Variants in LRRK1 observed in about 807,000 individuals in gnomAD.
The protein encoded by LRRK1 is leucine rich repeat kinase 1.
In LRRK1, 113 loss-of-function variants were observed where a neutral mutation model predicts 209.1. The ratio of observed to expected loss-of-function variants is 0.54; its 90% CI spans 0.46 to 0.63. The LOEUF is 0.63. LRRK1 is among the 30% of genes least tolerant of loss of function. LRRK1 has a pLI of 0.00. For synonymous variants in LRRK1, 1,144 were observed against 1,099.7 expected (o/e 1.04, Z -0.80); for missense variants, 2,284 against 2,632.2 (o/e 0.87, Z 2.89).
chr15:101,068,603 G>A (rs975744628), intron 33 of LRRK1, 68 bp from the exon 34 acceptor site: 1 of 1,476,816 alleles, frequency 6.8e-7, no homozygotes, highest in Non-Finnish European at 9.1e-7. Flanking sequence ...GAAGGCACAG[G>A]GGGAGGGTCC....
intron 2 of LRRK1, 31 bp downstream of exon 2, chr15:100,924,760 G>C (rs1320025334): frequency 6.5e-6 from 10 of 1,547,522 alleles, no homozygotes; most frequent in Non-Finnish European, 8.9e-6. Context: ...ATGCCTGCCT[G>C]GGTGTGACCT....
rs377665198 is a variant in LRRK1, at chr15:101,016,180, C to T, written c.1609+778C>T. 1.5e-4 allele frequency among the ~76,000 whole-genome samples: 23 copies of T among 152,116 alleles called. 2 individuals are homozygous for T. Among genetic ancestry groups the T allele is most frequent in the East Asian group, 5.8e-4 (3 of 5,172 alleles). On this transcript the variant is annotated intron_variant, in intron 12 of 33. Coordinates refer to ENST00000388948, the MANE Select transcript of LRRK1 (RefSeq NM_024652.6). ...AATTTTTGTATTTTTGGAGATGAGCCACTGTGCCCGGCCCCTCTTCCTATA... is the reference window on the plus strand; with the variant it reads ...AATTTTTGTATTTTTGGAGATGAGCTACTGTGCCCGGCCCCTCTTCCTATA...
At chr15:100,944,329 C>T (rs1296652149) in intron 2 of LRRK1, among the ~76,000 whole-genome samples, 1 of 152,188 alleles carries the variant, frequency 6.6e-6, no homozygotes, top group African/African-American at 2.4e-5. Flanking sequence ...CAGCTATGCA[C>T]CAAAAACCCA....
At chr15:100,957,957 C>G (rs1288038359) in intron 2 of LRRK1, among the ~76,000 whole-genome samples, 1 of 152,166 alleles carries the variant, frequency 6.6e-6, no homozygotes, top group African/African-American at 2.4e-5. Flanking sequence ...CCTCCGCCTC[C>G]CAGGTTCAAG....
chr15:100,965,284 T>G (rs145745422), intron 2 of LRRK1, among the ~76,000 whole-genome samples: 1 of 152,378 alleles, frequency 6.6e-6, no homozygotes, highest in East Asian at 1.9e-4. Flanking sequence ...CACTTCTTCT[T>G]GAAATGGCTG....
chr15:100,989,424 T>C (rs1789094014), intron 6 of LRRK1, 26 bp downstream of exon 6: 1 of 1,612,468 alleles, frequency 6.2e-7, no homozygotes, highest in Admixed American at 1.7e-5. Flanking sequence ...CTGTGGAGTG[T>C]GTTTTAGTTC....
chr15:101,066,865 G>A lies in LRRK1; in HGVS notation c.5870+124G>A, dbSNP rs560007809. The A allele has an allele frequency of 5.7e-5, 50 of 881,160 alleles. No individual in the cohort carries two copies. In the African/African-American group the frequency reaches 6.3e-4, roughly 11 times the overall value. The allele number at this position is 881,160 out of a possible 1,614,324, so 54.6% of individuals were successfully genotyped here. A position where few individuals can be genotyped will look rare whatever the true frequency, so the allele number is the denominator to read the frequency against. Reference sequence around the variant, plus strand: ...TCTCCCAAATAGCATAGCCACTAACGTGGCTGTAAGGCAAAGTGGAAACAA... The same window carrying A: ...TCTCCCAAATAGCATAGCCACTAACATGGCTGTAAGGCAAAGTGGAAACAA... On this transcript the variant is annotated intron_variant, in intron 33 of 33. Transcript: ENST00000388948.
intron 7 of LRRK1, among the ~76,000 whole-genome samples, chr15:101,009,518 G>T (rs994469130): frequency 6.6e-6 from 1 of 152,234 alleles, no homozygotes; most frequent in Non-Finnish European, 1.5e-5. Flanking sequence ...GCCTTGGAGG[G>T]AGACCTGAGC....
At chr15:101,021,025 T>G in intron 12 of LRRK1, 28 bp from the exon 13 acceptor site, 1 of 1,612,890 alleles carries the variant, frequency 6.2e-7, no homozygotes, top group Non-Finnish European at 8.5e-7. Context: ...TATTTTTAAA[T>G]GCAGTCTGCT....
chr15:101,026,970 C>T (rs575804732), intron 17 of LRRK1, among the ~76,000 whole-genome samples: 142 of 152,062 alleles, frequency 9.3e-4, no homozygotes, highest in African/African-American at 2.9e-3. Context: ...CTGTGTGAGC[C>T]TGTGCCTGCC....
chr15:101,025,851 G>A, intron 16 of LRRK1, 114 bp from the exon 17 acceptor site: 1 of 1,075,670 alleles, frequency 9.3e-7, no homozygotes. Context: ...CAGATTGGTG[G>A]CTGAGCAAGG....
chr15:101,034,210 C>G (rs568304714), intron 20 of LRRK1, among the ~76,000 whole-genome samples: 10 of 152,244 alleles, frequency 6.6e-5, no homozygotes, highest in East Asian at 5.8e-4. Context: ...CAACAGGTCT[C>G]TTCACTCTGC....
intron 2 of LRRK1, among the ~76,000 whole-genome samples, chr15:100,948,436 C>T (rs1331460794): frequency 6.6e-6 from 1 of 152,190 alleles, no homozygotes; most frequent in Non-Finnish European, 1.5e-5. Flanking sequence ...AATTCCCCTC[C>T]CTGTGGGTTG....
At chr15:100,988,243 C>G (rs1346921340) in intron 4 of LRRK1, among the ~76,000 whole-genome samples, 1 of 151,828 alleles carries the variant, frequency 6.6e-6, no homozygotes. Context: ...TATTTCGTCA[C>G]CTGGGTAATA....
chr15:101,003,235 C>T (rs374083636), intron 6 of LRRK1, among the ~76,000 whole-genome samples: 23 of 152,288 alleles, frequency 1.5e-4, no homozygotes, highest in Middle Eastern at 6.8e-3. Flanking sequence ...GTCTATTTTC[C>T]GAGTGTCAAC....
chr15:100,938,645 C>G (rs2042345918), intron 2 of LRRK1, among the ~76,000 whole-genome samples: 1 of 151,876 alleles, frequency 6.6e-6, no homozygotes, highest in South Asian at 2.1e-4. Context: ...GAACCCAATT[C>G]CATACTTATA....
chr15:101,009,179 TAGG>T (rs1408549946), intron 7 of LRRK1, 116 bp downstream of exon 7: 3 of 810,872 alleles, frequency 3.7e-6, no homozygotes, highest in Admixed American at 2.5e-5. Context: ...CTGGCTAAAA[TAGG>T]AGAAGGAGTT....
intron 33 of LRRK1, among the ~76,000 whole-genome samples, chr15:101,068,000 G>A (rs1450817715): frequency 2.0e-5 from 3 of 152,216 alleles, no homozygotes; most frequent in Non-Finnish European, 4.4e-5. Flanking sequence ...ATCCCAGTTT[G>A]CAGGAGCACC....
At position 101,007,765 on chromosome 15, in the gene LRRK1, A is replaced by G. The variant is rs570295837; in HGVS notation, c.763-1072A>G. Among the ~76,000 whole-genome samples the G allele has an allele frequency of 1.8e-4, 28 of 152,300 alleles. No individual in the cohort carries two copies. The East Asian group carries it at 4.8e-3, about 26-fold the overall frequency. On this transcript the variant is annotated intron_variant, in intron 6 of 33. Coordinates refer to ENST00000388948, the MANE Select transcript of LRRK1 (RefSeq NM_024652.6). ...GCTCTCTCGGGTTGGTCCTAAATGGAAAGTGAGGACAAAAATTAGAGAATC... is the reference window on the plus strand; with the variant it reads ...GCTCTCTCGGGTTGGTCCTAAATGGGAAGTGAGGACAAAAATTAGAGAATC...
Sources: gnomAD v4.1 joint callset for allele counts (sites outside exome capture counted in the v4.1 genomes callset) on GRCh38, gnomAD v4.1.1 for gene constraint, MANE v1.5 for transcripts, NCBI Gene and HGNC (gene_info 2026-07-23, HGNC 2026-07-21) for gene names.